Variants in RHOT1 observed in about 807,000 individuals in gnomAD.
RHOT1 encodes ras homolog family member T1, also known as mitochondrial Rho GTPase 1.
RHOT1 carries 27 observed loss-of-function variants against 95.3 expected under a neutral mutation model. The observed-to-expected ratio is 0.28, with a 90% confidence interval of 0.21 to 0.39. The LOEUF is 0.39. Ranked by LOEUF, RHOT1 falls within the 10% of genes least tolerant of loss-of-function variation. The probability of loss-of-function intolerance (pLI) is 1.00; values close to 1 mark genes in which losing one functional copy is unlikely to be tolerated. For synonymous variants in RHOT1, 227 were observed against 263.5 expected, an observed-to-expected ratio of 0.86 and a Z score of 1.34; for missense variants, 578 against 786.7, an observed-to-expected ratio of 0.73 and a Z score of 3.17.
intron 15 of RHOT1, 82 bp from the exon 16 acceptor site, chr17:32,203,808 A>G: frequency 1.1e-6 from 1 of 930,482 alleles, no homozygotes; most frequent in Non-Finnish European, 1.8e-6. Flanking sequence ...TTTATAACAC[A>G]CCTGCACATA....
At chr17:32,211,458 A>AT (rs1199963658) in intron 19 of RHOT1, 3 of 341,542 alleles carry the variant, frequency 8.8e-6, no homozygotes, top group Non-Finnish European at 1.6e-5. Context: ...ATAAAATAAG[A>AT]TTTTGGATGT....
rs113328249 is a variant in RHOT1, at chr17:32,186,336, G to A, written c.540+3064G>A. On this transcript the variant is annotated intron_variant, in intron 8 of 19. Transcript: ENST00000545287. ...TATTGGCCATCTTCTTTGGAGAAAC[G>A]TCTATTGCCTATTCAAAGTCCTTTC... is the stretch of plus-strand genomic sequence containing the variant. Among the ~76,000 whole-genome samples the A allele has an allele frequency of 7.6e-3, 1,152 of 150,882 alleles. 11 individuals carry two copies. Among genetic ancestry groups the A allele is most frequent in the African/African-American group, 0.026 (1,078 of 41,110 alleles).
At chr17:32,151,530 C>G in intron 1 of RHOT1, 1 of 527,970 alleles carries the variant, frequency 1.9e-6, no homozygotes, top group Non-Finnish European at 3.5e-6. Flanking sequence ...TGTCATGAAT[C>G]CCCTTAGACC....
intron 2 of RHOT1, 146 bp downstream of exon 2, chr17:32,171,247 G>A: frequency 1.7e-6 from 1 of 586,656 alleles, no homozygotes; most frequent in Non-Finnish European, 3.0e-6. Flanking sequence ...TAGAGACAGG[G>A]TCTCACTCTA....
chr17:32,168,208 C>T (rs954352796), intron 1 of RHOT1, among the ~76,000 whole-genome samples: 3 of 152,078 alleles, frequency 2.0e-5, no homozygotes, highest in Admixed American at 6.6e-5. Flanking sequence ...AGATTATTTT[C>T]GTGCCTGCTA....
chr17:32,195,652 T>C (rs1368010213), intron 11 of RHOT1, among the ~76,000 whole-genome samples: 2 of 152,214 alleles, frequency 1.3e-5, no homozygotes, highest in Non-Finnish European at 2.9e-5. Flanking sequence ...CACCTTCAGC[T>C]GTCTATGTAA....
chr17:32,147,408 T>G (rs1443554118), intron 1 of RHOT1, among the ~76,000 whole-genome samples: 1 of 152,088 alleles, frequency 6.6e-6, no homozygotes. Flanking sequence ...GGAGACTTGC[T>G]TGACCCCAGG....
intron 1 of RHOT1, among the ~76,000 whole-genome samples, chr17:32,165,023 CAAAA>C (rs906835974): frequency 3.3e-5 from 5 of 151,300 alleles, no homozygotes; most frequent in African/African-American, 1.2e-4. Flanking sequence ...AAACAAAAAA[CAAAA>C]AAACAAAACA....
chr17:32,222,512 T>C (rs2038895149), intron 19 of RHOT1, among the ~76,000 whole-genome samples: 1 of 152,152 alleles, frequency 6.6e-6, no homozygotes, highest in South Asian at 2.1e-4. Flanking sequence ...ATAACAGCTT[T>C]AGGTTTCCTT....
chr17:32,190,819 G>A (rs896624793), intron 8 of RHOT1, among the ~76,000 whole-genome samples: 10 of 151,880 alleles, frequency 6.6e-5, no homozygotes, highest in African/African-American at 2.2e-4. Flanking sequence ...TTTTTGAGAC[G>A]GAGTCTTTCT....
chr17:32,206,452 T>C (rs1358976755), intron 16 of RHOT1, among the ~76,000 whole-genome samples: 43 of 121,894 alleles, frequency 3.5e-4, no homozygotes, highest in Admixed American at 8.7e-4. Context: ...TTTTTTTTTT[T>C]TTTTTTTTTT....
intron 1 of RHOT1, among the ~76,000 whole-genome samples, chr17:32,162,093 A>G (rs1459365615): frequency 6.6e-6 from 1 of 152,140 alleles, no homozygotes; most frequent in Non-Finnish European, 1.5e-5. Context: ...GTCATTGGCC[A>G]CGTGCTTGAC....
intron 1 of RHOT1, among the ~76,000 whole-genome samples, chr17:32,166,636 C>T (rs1393794859): frequency 6.6e-6 from 1 of 152,192 alleles, no homozygotes; most frequent in Non-Finnish European, 1.5e-5. Context: ...TTCAATATTG[C>T]TCACAGCATC....
intron 7 of RHOT1, 89 bp from the exon 8 acceptor site, chr17:32,183,082 G>T: frequency 8.6e-7 from 1 of 1,157,512 alleles, no homozygotes; most frequent in Non-Finnish European, 1.2e-6. Context: ...TTTTTTTCAA[G>T]GAATCTTTTT....
chr17:32,218,076 T>C (rs559480142), intron 19 of RHOT1, among the ~76,000 whole-genome samples: 89 of 152,092 alleles, frequency 5.9e-4, no homozygotes, highest in Non-Finnish European at 5.9e-4. Flanking sequence ...TTGGCCAGGC[T>C]GATCTCGAAC....
chr17:32,182,691 T>G, intron 6 of RHOT1, 66 bp from the exon 7 acceptor site: 1 of 938,140 alleles, frequency 1.1e-6, no homozygotes, highest in Non-Finnish European at 1.6e-6. Context: ...TGGGTTATGA[T>G]ATAAATTAAA....
chr17:32,153,742 A>T (rs1002595313), intron 1 of RHOT1, among the ~76,000 whole-genome samples: 1 of 152,212 alleles, frequency 6.6e-6, no homozygotes, highest in Non-Finnish European at 1.5e-5. Context: ...GGTAGTTGTG[A>T]TTATGGAGAC....
At chr17:32,154,285 TA>T (rs539073195) in intron 1 of RHOT1, among the ~76,000 whole-genome samples, 386 of 124,354 alleles carry the variant, frequency 3.1e-3, no homozygotes, top group Middle Eastern at 9.6e-3. Flanking sequence ...TACGAGAAAT[TA>T]AAAAAAAAAA....
rs774165008 is a variant in RHOT1, at chr17:32,183,136, A to G, written c.439-35A>G. 4 of 1,489,546 alleles carry G rather than the reference A, an allele frequency of 2.7e-6. No homozygotes were observed. The South Asian group carries it at 3.7e-5, about 14-fold the overall frequency. The allele number at this position is 1,489,546 out of a possible 1,614,324, so 92.3% of individuals were successfully genotyped here. A position where few individuals can be genotyped will look rare whatever the true frequency, so the allele number is the denominator to read the frequency against. On this transcript the variant is annotated intron_variant, in intron 7 of 19. Coordinates refer to ENST00000545287, the MANE Select transcript of RHOT1 (RefSeq NM_001033566.3). ...TTTGAAAATTGTTTTTAGCTCTCAT[A>G]ATTGATTTCAGAGTGTAAAATTTTA...
Sources: gnomAD v4.1 joint callset for allele counts (sites outside exome capture counted in the v4.1 genomes callset) on GRCh38, gnomAD v4.1.1 for gene constraint, MANE v1.5 for transcripts, NCBI Gene and HGNC (gene_info 2026-07-23, HGNC 2026-07-21) for gene names.